Variants in PRKN observed in about 807,000 individuals in gnomAD.
PRKN encodes the protein E3 ubiquitin-protein ligase parkin.
PRKN carries 56 observed loss-of-function variants against 59.5 expected under a neutral mutation model. The ratio of observed to expected loss-of-function variants is 0.94; its 90% CI spans 0.76 to 1.18. The LOEUF (loss-of-function observed/expected upper bound fraction) is 1.18, where lower values mean the gene tolerates loss of function less well. PRKN is among the 50% of genes most tolerant of loss of function. The pLI, the probability that PRKN is intolerant of heterozygous loss-of-function variation, is 0.00. For missense variants in PRKN, 657 were observed against 596.4 expected (o/e 1.10, Z -1.06); for synonymous variants, 250 against 222.1 (o/e 1.13, Z -1.12).
intron 2 of PRKN, among the ~76,000 whole-genome samples, chr6:162,335,892 T>C (rs1783822696): frequency 1.3e-5 from 2 of 151,656 alleles, no homozygotes; most frequent in Non-Finnish European, 2.9e-5. Context: ...CTTTAAGTGC[T>C]GAAACAGGAA....
At chr6:162,404,342 C>A (rs556321183) in intron 2 of PRKN, among the ~76,000 whole-genome samples, 1 of 149,786 alleles carries the variant, frequency 6.7e-6, no homozygotes, top group Admixed American at 6.7e-5. Flanking sequence ...TGCACTCCAG[C>A]CTGGGCGACA....
At position 162,591,267 on chromosome 6, in the gene PRKN, T is replaced by C. The variant is rs147899178; in HGVS notation, c.7+136395A>G. ...CACATCAGAACTTTGTTTTTCTTTA[T>C]AGGTACATTTTTGTTAGTATCATCT... On this transcript the variant is annotated intron_variant, in intron 1 of 11. Transcript: ENST00000366898. Among the ~76,000 whole-genome samples, 131 of 152,258 alleles carry C rather than the reference T, an allele frequency of 8.6e-4. 1 individual carries two copies. Among genetic ancestry groups the C allele is most frequent in the African/African-American group, 2.9e-3 (122 of 41,556 alleles).
rs1030831727 is a variant in PRKN, at chr6:161,462,621, C to A, written c.1084-75744G>T. On this transcript the variant is annotated intron_variant, in intron 9 of 11. Transcript: ENST00000366898. This position sits in a 1 kb window ranked among gnomAD's most constrained non-coding sequence, Gnocchi z 4.5. ...TAAAAGGTCTACTTTGAATGTCTCCCCAGGGTGATCATATTAAAAAAATCA... is the reference window on the plus strand; with the variant it reads ...TAAAAGGTCTACTTTGAATGTCTCCACAGGGTGATCATATTAAAAAAATCA... 6.6e-6 allele frequency among the ~76,000 whole-genome samples: 1 copy of A among 151,964 alleles called. No individual in the cohort carries two copies. The highest frequency in any genetic ancestry group is 1.9e-4 in the East Asian group (1 of 5,176).
At chr6:162,685,550 T>C (rs1779936866) in intron 1 of PRKN, among the ~76,000 whole-genome samples, 1 of 152,114 alleles carries the variant, frequency 6.6e-6, no homozygotes, top group East Asian at 1.9e-4. Flanking sequence ...ACCACCGACA[T>C]TAAAAAGTGA....
chr6:161,628,081 T>C (rs1783158129), intron 7 of PRKN, among the ~76,000 whole-genome samples: 1 of 152,186 alleles, frequency 6.6e-6, no homozygotes, highest in Non-Finnish European at 1.5e-5. Flanking sequence ...AATGGAAGTA[T>C]ACAATACTTC....
At chr6:162,274,127 G>A (rs1453350222) in intron 2 of PRKN, among the ~76,000 whole-genome samples, 2 of 151,812 alleles carry the variant, frequency 1.3e-5, no homozygotes, top group African/African-American at 4.8e-5. Context: ...GGGACTGGAA[G>A]GAATGTATAT....
intron 7 of PRKN, among the ~76,000 whole-genome samples, chr6:161,756,442 GAA>G (rs57399165): frequency 0.76 from 56,661 of 74,646 alleles, 22,720 homozygotes; most frequent in East Asian, 0.87. Context: ...ACCTTGTCTC[GAA>G]AAAAAAAAAA....
rs1005506166 is a variant in PRKN, at chr6:162,445,744, C to G, written c.8-2271G>C. Reference sequence around the variant, plus strand: ...AAAAAAAAAGTCCACATTTCTATCCCTCATGATTAAAAAGATAACAATAAA... The same window carrying G: ...AAAAAAAAAGTCCACATTTCTATCCGTCATGATTAAAAAGATAACAATAAA... On this transcript the variant is annotated intron_variant, in intron 1 of 11. Transcript: ENST00000366898. 3.9e-5 allele frequency among the ~76,000 whole-genome samples: 5 copies of G among 127,210 alleles called. No homozygotes were observed. In the Admixed American group the frequency reaches 4.0e-4, roughly 10 times the overall value. 83.5% of individuals were successfully genotyped at this position (127,210 alleles called of 152,430 possible).
In PRKN at chr6:161,771,311, G is replaced by A. The variant is rs532602998; in HGVS notation, c.871+14461C>T. Among the ~76,000 whole-genome samples the A allele has an allele frequency of 7.5e-5, 11 of 147,254 alleles. No homozygotes were observed. The South Asian group carries it at 2.1e-3, about 29-fold the overall frequency. On this transcript the variant is annotated intron_variant, in intron 7 of 11. Transcript: ENST00000366898. ...GCAGAGCTTGCAGTGAGCCGAGATC[G>A]CGCCACTGCGCTCCAGCTTGGGCGA... is the stretch of plus-strand genomic sequence containing the variant.
chr6:162,581,944 G>A (rs1780808742), intron 1 of PRKN, among the ~76,000 whole-genome samples: 1 of 152,016 alleles, frequency 6.6e-6, no homozygotes, highest in Admixed American at 6.6e-5. Flanking sequence ...AGGGAGAGGG[G>A]GAATCATGTT....
At chr6:162,268,530 A>G (rs1780234587) in intron 2 of PRKN, among the ~76,000 whole-genome samples, 1 of 152,224 alleles carries the variant, frequency 6.6e-6, no homozygotes, top group Non-Finnish European at 1.5e-5. Context: ...ACATACATAA[A>G]GTTAGTGTGT....
chr6:161,773,258 C>T (rs1456487512), intron 7 of PRKN, among the ~76,000 whole-genome samples: 2 of 152,148 alleles, frequency 1.3e-5, no homozygotes, highest in Non-Finnish European at 2.9e-5. Context: ...TTTAAGAATA[C>T]ATCAAACCAT....
chr6:162,030,807 T>G (rs1783606473), intron 5 of PRKN, among the ~76,000 whole-genome samples: 1 of 152,170 alleles, frequency 6.6e-6, no homozygotes, highest in African/African-American at 2.4e-5. Flanking sequence ...GTACAGGTGA[T>G]GGACACCCTC....
intron 1 of PRKN, among the ~76,000 whole-genome samples, chr6:162,669,716 T>C (rs763393819): frequency 6.6e-6 from 1 of 152,164 alleles, no homozygotes; most frequent in Non-Finnish European, 1.5e-5. Context: ...ATGAGCTAAT[T>C]TGCAGCTATT....
At chr6:162,092,446 T>A (rs915646233) in intron 4 of PRKN, among the ~76,000 whole-genome samples, 7 of 152,256 alleles carry the variant, frequency 4.6e-5, no homozygotes, top group Non-Finnish European at 1.0e-4. Flanking sequence ...AGTCGGTGAT[T>A]ATTATAAAAA....
chr6:162,388,946 C>T (rs1424957387), intron 2 of PRKN, among the ~76,000 whole-genome samples: 1 of 147,690 alleles, frequency 6.8e-6, no homozygotes, highest in Non-Finnish European at 1.5e-5. Context: ...AGGCCAAGAC[C>T]CCAGACACTT....
In PRKN at chr6:161,357,862, G is replaced by A. The variant is rs551728621; in HGVS notation, c.1285+2226C>T. Among the ~76,000 whole-genome samples the A allele has an allele frequency of 6.6e-6, 1 of 152,268 alleles. No individual in the cohort carries two copies. The highest frequency in any genetic ancestry group is 2.4e-5 in the African/African-American group (1 of 41,556). On this transcript the variant is annotated intron_variant, in intron 11 of 11. Transcript: ENST00000366898. This position sits in a 1 kb window ranked among gnomAD's most constrained non-coding sequence, Gnocchi z 5.5. ...GGAGCGTGTTTGATGCACCGTCTCTGTTACTCCTCCTGCCCATGCTGTGAG... is the reference window on the plus strand; with the variant it reads ...GGAGCGTGTTTGATGCACCGTCTCTATTACTCCTCCTGCCCATGCTGTGAG...
chr6:161,794,898 T>G (rs917016015), intron 6 of PRKN, among the ~76,000 whole-genome samples: 1 of 152,198 alleles, frequency 6.6e-6, no homozygotes, highest in African/African-American at 2.4e-5. Flanking sequence ...TAGCATTTTT[T>G]TTTTGAGGTG....
chr6:162,169,491 T>TA (rs1486211304), intron 4 of PRKN, among the ~76,000 whole-genome samples: 3 of 152,134 alleles, frequency 2.0e-5, no homozygotes, highest in Non-Finnish European at 2.9e-5. Flanking sequence ...ACATGTTATG[T>TA]AAAAAAATAA....
Sources: gnomAD v4.1 joint callset for allele counts (sites outside exome capture counted in the v4.1 genomes callset) on GRCh38, gnomAD v4.1.1 for gene constraint, Gnocchi (gnomAD v3.1) non-coding constraint, MANE v1.5 for transcripts, NCBI Gene and HGNC (gene_info 2026-07-23, HGNC 2026-07-21) for gene names.